Variants in KCNIP1 observed in about 807,000 individuals in gnomAD.
KCNIP1 encodes the protein potassium voltage-gated channel interacting protein 1.
A neutral mutation model predicts 33.0 loss-of-function variants in KCNIP1; 18 were observed. The observed-to-expected ratio is 0.55, with a 90% CI of 0.38 to 0.81. The LOEUF (loss-of-function observed/expected upper bound fraction) is 0.81. Ranked by LOEUF, KCNIP1 falls within the 30% of genes least tolerant of loss-of-function variation. The pLI is 0.00. For missense variants in KCNIP1, 238 were observed against 271.6 expected (o/e 0.88, Z 0.87); for synonymous variants, 93 against 98.3 (o/e 0.95, Z 0.32).
intron 1 of KCNIP1, among the ~76,000 whole-genome samples, chr5:170,427,262 A>G (rs995952435): frequency 6.6e-6 from 1 of 152,036 alleles, no homozygotes; most frequent in Non-Finnish European, 1.5e-5. Flanking sequence ...ATCGACCAGA[A>G]CCCCTGCATT....
intron 1 of KCNIP1, among the ~76,000 whole-genome samples, chr5:170,453,624 T>G (rs114504411): frequency 0.012 from 1,799 of 152,346 alleles, 28 homozygotes; most frequent in Non-Finnish European, 0.018. Flanking sequence ...ATGAGATCTG[T>G]GACTTGCTTC....
At chr5:170,733,042 C>A in intron 6 of KCNIP1, 138 bp downstream of exon 6, 1 of 573,338 alleles carries the variant, frequency 1.7e-6, no homozygotes. Context: ...GATACATTGT[C>A]CTCAAGAAAC....
intron 1 of KCNIP1, chr5:170,678,781 A>C (rs886074257): frequency 5.3e-5 from 8 of 152,222 alleles, no homozygotes; most frequent in African/African-American, 1.9e-4. Flanking sequence ...AAAAGGGAGA[A>C]TACACGGGAG....
At chr5:170,488,919 G>A (rs768547939) in intron 1 of KCNIP1, among the ~76,000 whole-genome samples, 15 of 152,214 alleles carry the variant, frequency 9.9e-5, no homozygotes, top group Non-Finnish European at 1.5e-4. Flanking sequence ...TCCCGGTGAC[G>A]GTGCAGAGAA....
intron 1 of KCNIP1, among the ~76,000 whole-genome samples, chr5:170,565,498 C>T (rs1302337642): frequency 2.0e-5 from 3 of 152,176 alleles, no homozygotes; most frequent in African/African-American, 7.2e-5. Flanking sequence ...CTTTCAAAGA[C>T]ACTCTGTTCT....
intron 1 of KCNIP1, among the ~76,000 whole-genome samples, chr5:170,432,214 G>A (rs1189865006): frequency 6.6e-6 from 1 of 152,006 alleles, no homozygotes; most frequent in African/African-American, 2.4e-5. Flanking sequence ...AGCAGCCAAA[G>A]GACTTATCAC....
At chr5:170,375,715 G>C (rs753719565) in intron 1 of KCNIP1, 1 of 152,286 alleles carries the variant, frequency 6.6e-6, no homozygotes, top group Non-Finnish European at 1.5e-5. Flanking sequence ...TCACTTTACA[G>C]ATGGCCTTGG....
intron 1 of KCNIP1, among the ~76,000 whole-genome samples, chr5:170,454,641 T>C (rs187039252): frequency 3.3e-4 from 51 of 152,360 alleles, no homozygotes; most frequent in African/African-American, 1.2e-3. Context: ...GGTAAAACTA[T>C]GAAATGTTGC....
intron 1 of KCNIP1, among the ~76,000 whole-genome samples, chr5:170,549,641 A>G (rs1164092625): frequency 6.6e-6 from 1 of 152,250 alleles, no homozygotes; most frequent in Non-Finnish European, 1.5e-5. Flanking sequence ...TCCTTGAAAC[A>G]CTAGACCATG....
At chr5:170,413,273 G>T (rs1405207085) in intron 1 of KCNIP1, among the ~76,000 whole-genome samples, 3 of 152,194 alleles carry the variant, frequency 2.0e-5, no homozygotes, top group African/African-American at 4.8e-5. Flanking sequence ...GGGCCCTCTG[G>T]CTGGGGCCAG....
intron 1 of KCNIP1, among the ~76,000 whole-genome samples, chr5:170,591,720 T>G (rs1304369629): frequency 6.6e-6 from 1 of 152,250 alleles, no homozygotes; most frequent in East Asian, 1.9e-4. Flanking sequence ...CTGGCTTATT[T>G]CATTTAGCAT....
At chr5:170,598,902 CGCGTGTGTGTGT>C (rs1329977665) in intron 1 of KCNIP1, among the ~76,000 whole-genome samples, 2 of 50,450 alleles carry the variant, frequency 4.0e-5, no homozygotes, top group African/African-American at 8.0e-5. Flanking sequence ...TGTGTGTGTG[CGCGTGTGTGTGT>C]GTGTGTGTGT....
intron 1 of KCNIP1, among the ~76,000 whole-genome samples, chr5:170,672,950 G>A (rs1379524283): frequency 2.0e-5 from 3 of 152,146 alleles, no homozygotes; most frequent in African/African-American, 4.8e-5. Flanking sequence ...AAGAGAAGAG[G>A]TTGTTTTCAG....
intron 1 of KCNIP1, among the ~76,000 whole-genome samples, chr5:170,384,590 G>A (rs1764389031): frequency 6.6e-6 from 1 of 152,214 alleles, no homozygotes; most frequent in South Asian, 2.1e-4. Flanking sequence ...TCCTGTGGGA[G>A]ACCCATTGCC....
At chr5:170,373,957 G>T (rs578174946) in intron 1 of KCNIP1, among the ~76,000 whole-genome samples, 2 of 152,300 alleles carry the variant, frequency 1.3e-5, no homozygotes, top group East Asian at 3.9e-4. Context: ...GCAATGGCTG[G>T]TGAGGTACAG....
At chr5:170,545,338 G>A (rs191318341) in intron 1 of KCNIP1, among the ~76,000 whole-genome samples, 4 of 152,212 alleles carry the variant, frequency 2.6e-5, no homozygotes, top group Admixed American at 6.5e-5. Context: ...ACTATGATAT[G>A]TGTAGTTATG....
At chr5:170,477,538 G>A (rs547521834) in intron 1 of KCNIP1, among the ~76,000 whole-genome samples, 148 of 152,174 alleles carry the variant, frequency 9.7e-4, no homozygotes, top group African/African-American at 3.5e-3. Flanking sequence ...CTGGGTCCCA[G>A]TTCAAGCAAT....
intron 1 of KCNIP1, among the ~76,000 whole-genome samples, chr5:170,415,143 C>T (rs532815106): frequency 1.1e-4 from 16 of 152,250 alleles, no homozygotes; most frequent in African/African-American, 3.4e-4. Flanking sequence ...GATAATCAAT[C>T]GGGATAACCC....
At chr5:170,475,714 A>G (rs10061535) in intron 1 of KCNIP1, among the ~76,000 whole-genome samples, 46 of 152,304 alleles carry the variant, frequency 3.0e-4, no homozygotes, top group African/African-American at 1.1e-3. Context: ...AAAGGACCTC[A>G]AAGCCAAAAC....
Sources: allele counts gnomAD v4.1 joint callset (sites outside exome capture counted in the v4.1 genomes callset), GRCh38; gene constraint gnomAD v4.1.1; transcripts MANE v1.5; gene names NCBI Gene and HGNC (gene_info 2026-07-23, HGNC 2026-07-21).